The following ADGRB3 variants were observed in gnomAD, a reference collection of about 807,000 sequenced individuals.
ADGRB3 encodes the protein adhesion G protein-coupled receptor B3, also known as brain-specific angiogenesis inhibitor 3.
A neutral mutation model predicts 193.4 loss-of-function variants in ADGRB3; 37 were observed. That is an observed-to-expected ratio of 0.19 (90% CI 0.15 to 0.25). ADGRB3 has a LOEUF of 0.25. ADGRB3 is among the 10% of genes least tolerant of loss of function. The pLI is 1.00. For synonymous variants in ADGRB3, 690 were observed against 644.2 expected (o/e 1.07, Z -1.08); for missense variants, 1,637 against 1,852.9 (o/e 0.88, Z 2.14).
chr6:68,858,684 A>G (rs1765062689), intron 3 of ADGRB3, among the ~76,000 whole-genome samples: 1 of 151,832 alleles, frequency 6.6e-6, no homozygotes, highest in Non-Finnish European at 1.5e-5. Context: ...ATTTAGAGCC[A>G]TTACCTTTGA....
intron 20 of ADGRB3, among the ~76,000 whole-genome samples, chr6:69,254,525 A>G (rs913156253): frequency 3.9e-5 from 6 of 152,054 alleles, no homozygotes; most frequent in Non-Finnish European, 8.8e-5. Context: ...TATGTAGCAT[A>G]ACTATCTTTA....
chr6:69,074,602 A>G (rs686899), intron 16 of ADGRB3, among the ~76,000 whole-genome samples: 107,000 of 148,820 alleles, frequency 0.72, 39,405 homozygotes, highest in East Asian at 0.96. Context: ...GTGCAGTGGC[A>G]CGATCTCGGC....
intron 17 of ADGRB3, among the ~76,000 whole-genome samples, chr6:69,225,854 A>G (rs1766001619): frequency 6.6e-6 from 1 of 152,212 alleles, no homozygotes; most frequent in South Asian, 2.1e-4. Flanking sequence ...CCCTGAATAA[A>G]TGTTAGCTAT....
chr6:68,667,294 G>T (rs1399633972), intron 3 of ADGRB3, among the ~76,000 whole-genome samples: 3 of 151,822 alleles, frequency 2.0e-5, no homozygotes, highest in Admixed American at 6.6e-5. Flanking sequence ...AATTCAGCTA[G>T]AAATTTAATG....
chr6:69,292,322 T>C (rs761564827), intron 20 of ADGRB3, among the ~76,000 whole-genome samples: 18 of 152,168 alleles, frequency 1.2e-4, no homozygotes, highest in Non-Finnish European at 2.1e-4. Context: ...TTAAGAAGTA[T>C]AGTGAGGGGC....
intron 11 of ADGRB3, 78 bp downstream of exon 11, chr6:68,994,040 G>C: frequency 7.1e-7 from 1 of 1,403,824 alleles, no homozygotes. Flanking sequence ...CAGTGCAGCC[G>C]TCTTGGAGGC....
chr6:68,694,207 A>C (rs935309404), intron 3 of ADGRB3, among the ~76,000 whole-genome samples: 3 of 152,018 alleles, frequency 2.0e-5, no homozygotes, highest in African/African-American at 7.2e-5. Context: ...TGTTGACAAA[A>C]TGGGCAGTTT....
At chr6:68,755,368 C>G (rs1287699301) in intron 3 of ADGRB3, among the ~76,000 whole-genome samples, 2 of 152,206 alleles carry the variant, frequency 1.3e-5, no homozygotes, top group Non-Finnish European at 2.9e-5. Context: ...TTTGACCTGA[C>G]TGGGCAGGAA....
At chr6:69,066,684 G>A (rs1292189907) in intron 16 of ADGRB3, among the ~76,000 whole-genome samples, 1 of 151,990 alleles carries the variant, frequency 6.6e-6, no homozygotes, top group Non-Finnish European at 1.5e-5. Flanking sequence ...GACCTATAAA[G>A]TTAGGGTATA....
intron 17 of ADGRB3, among the ~76,000 whole-genome samples, chr6:69,084,745 T>G (rs986931307): frequency 3.3e-5 from 5 of 152,134 alleles, no homozygotes; most frequent in Non-Finnish European, 5.9e-5. Context: ...TTGCAATATA[T>G]CTCATCACTC....
intron 20 of ADGRB3, among the ~76,000 whole-genome samples, chr6:69,278,962 T>C: frequency 6.6e-6 from 1 of 150,556 alleles, no homozygotes; most frequent in South Asian, 2.1e-4. Context: ...TACTTGAAAA[T>C]GAAAGCTTTA....
rs74630715 is a variant in ADGRB3, at chr6:68,880,756, T to A, written c.758-49803T>A. 4.0e-5 allele frequency among the ~76,000 whole-genome samples: 5 copies of A among 126,098 alleles called. No individual in the cohort carries two copies. The East Asian group carries it at 1.1e-3, about 28-fold the overall frequency. The allele number at this position is 126,098 out of a possible 152,430, so 82.7% of individuals were successfully genotyped here. On this transcript the variant is annotated intron_variant, in intron 3 of 31. Transcript: ENST00000370598. ...TCCAGGAAAAAAGCCAACAGAGCTA[T>A]TGTCCCCCAAAACAAATTAATATAT...
chr6:68,837,235 T>C (rs1017400920), intron 3 of ADGRB3, among the ~76,000 whole-genome samples: 3 of 152,208 alleles, frequency 2.0e-5, no homozygotes, highest in Non-Finnish European at 4.4e-5. Context: ...TAAATCTGGG[T>C]TCATAAACCT....
chr6:68,925,953 A>G (rs1193963245), intron 3 of ADGRB3, among the ~76,000 whole-genome samples: 1 of 152,046 alleles, frequency 6.6e-6, no homozygotes, highest in African/African-American at 2.4e-5. Context: ...CAGTATTTCA[A>G]TTATTTTAAT....
At chr6:68,999,880 G>T (rs1377107749) in intron 11 of ADGRB3, among the ~76,000 whole-genome samples, 3 of 151,812 alleles carry the variant, frequency 2.0e-5, no homozygotes, top group African/African-American at 7.3e-5. Context: ...ATAACTAAGG[G>T]TAATATAATA....
intron 17 of ADGRB3, among the ~76,000 whole-genome samples, chr6:69,179,823 C>A (rs957663158): frequency 3.9e-5 from 6 of 152,134 alleles, no homozygotes; most frequent in African/African-American, 1.4e-4. Context: ...GTAGGTGACA[C>A]TTATGGGTAA....
chr6:69,018,970 T>C (rs896520283), intron 13 of ADGRB3, among the ~76,000 whole-genome samples: 1 of 152,002 alleles, frequency 6.6e-6, no homozygotes, highest in Non-Finnish European at 1.5e-5. Context: ...GGTAGAACAC[T>C]TGAGAATAAC....
intron 17 of ADGRB3, among the ~76,000 whole-genome samples, chr6:69,143,692 A>G (rs1294912387): frequency 6.6e-6 from 1 of 152,118 alleles, no homozygotes; most frequent in Non-Finnish European, 1.5e-5. Context: ...AGTTCACTAT[A>G]GTTGTATGGA....
At chr6:69,278,588 CT>C (rs1293663779) in intron 20 of ADGRB3, among the ~76,000 whole-genome samples, 13 of 152,104 alleles carry the variant, frequency 8.5e-5, no homozygotes, top group Admixed American at 7.9e-4. Context: ...TATATTAACC[CT>C]TTTGAACCTG....
Sources: allele counts gnomAD v4.1 joint callset (sites outside exome capture counted in the v4.1 genomes callset), GRCh38; gene constraint gnomAD v4.1.1; transcripts MANE v1.5; gene names NCBI Gene and HGNC (gene_info 2026-07-23, HGNC 2026-07-21).